Variants in ADRA1D observed in about 807,000 individuals in gnomAD.
ADRA1D encodes adrenoceptor alpha 1D.
A neutral mutation model predicts 18.6 loss-of-function variants in ADRA1D; 22 were observed. The observed-to-expected ratio is 1.19, with a 90% CI of 0.85 to 1.69. The LOEUF is 1.69. ADRA1D is among the 40% of genes most tolerant of loss of function. The pLI is 0.00. For missense variants in ADRA1D, 840 were observed against 840.7 expected (o/e 1.00, Z 0.01); for synonymous variants, 376 against 388.2 (o/e 0.97, Z 0.37).
intron 1 of ADRA1D, among the ~76,000 whole-genome samples, chr20:4,238,135 C>T (rs983623828): frequency 2.6e-5 from 4 of 151,572 alleles, no homozygotes; most frequent in African/African-American, 9.7e-5. Flanking sequence ...TGCCTGTAGT[C>T]CCAGCTACTT....
At chr20:4,229,055 C>A (rs1379447252) in intron 1 of ADRA1D, among the ~76,000 whole-genome samples, 2 of 152,230 alleles carry the variant, frequency 1.3e-5, no homozygotes, top group Non-Finnish European at 2.9e-5. Flanking sequence ...ATGACAGTCT[C>A]TTGGTTTTTC....
chr20:4,233,933 T>A (rs1447955822), intron 1 of ADRA1D, among the ~76,000 whole-genome samples: 1 of 152,202 alleles, frequency 6.6e-6, no homozygotes. Context: ...TGAGTCGCCA[T>A]CCAGCTGGCT....
intron 1 of ADRA1D, among the ~76,000 whole-genome samples, chr20:4,228,750 G>A (rs183795554): frequency 1.4e-3 from 211 of 152,326 alleles, no homozygotes; most frequent in Admixed American, 3.0e-3. Context: ...TCTTTGGTAA[G>A]GAAGGGATCG....
At chr20:4,238,351 G>A (rs118089777) in intron 1 of ADRA1D, among the ~76,000 whole-genome samples, 95 of 152,330 alleles carry the variant, frequency 6.2e-4, no homozygotes, top group South Asian at 1.2e-3. Context: ...ACAAGTAGGT[G>A]AAAGGGAGGA....
intron 1 of ADRA1D, among the ~76,000 whole-genome samples, chr20:4,237,456 C>T (rs1981118204): frequency 2.4e-5 from 2 of 82,466 alleles, no homozygotes; most frequent in South Asian, 5.3e-4. Context: ...GACTCCATCT[C>T]TTGAAAAAAA....
At position 4,222,101 on chromosome 20, in the gene ADRA1D, C is replaced by G; in HGVS notation, c.1141G>C (p.Glu381Gln). Reference protein sequence around the residue: ...GSLFPQLKPSEGVFKVIFWLG... With the variant: ...GSLFPQLKPSQGVFKVIFWLG... ...CAGAAGATGACCTTGAAGACGCCCT[C>G]CGATGGCTTCAGCTGCGGGAACAAG... Residue 381 changes from glutamate to glutamine, a missense_variant, in exon 2 of 2, where the codon GAG (glutamate) becomes CAG (glutamine). Physicochemically the swap from Glu to Gln is conservative, Grantham distance 29 (BLOSUM62 2). Transcript: ENST00000379453. The surrounding 1 kb of genome is among the most constrained non-coding windows in gnomAD (Gnocchi z 4.3). 1.2e-6 allele frequency: 2 copies of G among 1,612,580 alleles called. No individual in the cohort carries two copies. The highest frequency in any genetic ancestry group is 2.2e-5 in the East Asian group (1 of 44,614).
chr20:4,248,095 A>G lies in ADRA1D; in HGVS notation c.863T>C (p.Leu288Pro). 6.4e-7 allele frequency: 1 copy of G among 1,555,416 alleles called. No homozygotes were observed. Reference sequence around the variant, plus strand: ...TCGCTCGCGCTTGACGCCCGCCTCGAGGCTGCGCGTGGTGCTGCGCGCGAC... The same window carrying G: ...TCGCTCGCGCTTGACGCCCGCCTCGGGGCTGCGCGTGGTGCTGCGCGCGAC... ...YVVARSTTRSLEAGVKRERGK... is the reference protein window; with the variant it reads ...YVVARSTTRSPEAGVKRERGK... Residue 288 changes from leucine to proline, a missense_variant, in exon 1 of 2, where the codon CTC becomes CCC. Transcript: ENST00000379453.
At chr20:4,227,417 T>C (rs913511557) in intron 1 of ADRA1D, among the ~76,000 whole-genome samples, 2 of 152,138 alleles carry the variant, frequency 1.3e-5, no homozygotes, top group African/African-American at 4.8e-5. Context: ...CCTAAAGCAC[T>C]ATAGGTAACG....
At chr20:4,245,837 C>A (rs1201400495) in intron 1 of ADRA1D, among the ~76,000 whole-genome samples, 1 of 152,180 alleles carries the variant, frequency 6.6e-6, no homozygotes, top group Non-Finnish European at 1.5e-5. Flanking sequence ...ACTTTCTCTT[C>A]CCTGCTTACT....
chr20:4,244,253 T>C (rs1981281919), intron 1 of ADRA1D, among the ~76,000 whole-genome samples: 2 of 152,208 alleles, frequency 1.3e-5, no homozygotes, highest in South Asian at 4.1e-4. Flanking sequence ...AGGGCCTATG[T>C]GGGCCCATTC....
At chr20:4,224,993 G>GTT (rs562415272) in intron 1 of ADRA1D, among the ~76,000 whole-genome samples, 22,544 of 119,750 alleles carry the variant, frequency 0.19, 2,314 homozygotes, top group East Asian at 0.24. Context: ...GGCCATCTAA[G>GTT]TTTTTTTTTT....
chr20:4,222,102 C>G lies in ADRA1D; in HGVS notation c.1140G>C (p.Ser380=). 1 of 1,612,588 alleles carries G rather than the reference C, an allele frequency of 6.2e-7. No individual in the cohort carries two copies. The highest frequency in any genetic ancestry group is 8.5e-7 in the Non-Finnish European group (1 of 1,179,410). ...AGAAGATGACCTTGAAGACGCCCTC[C>G]GATGGCTTCAGCTGCGGGAACAAGG... is the stretch of plus-strand genomic sequence containing the variant. ...LGSLFPQLKP[S]EGVFKVIFWL... Residue 380 remains serine, a synonymous_variant, in exon 2 of 2, where the codon TCG becomes TCC. Coordinates refer to ENST00000379453, the MANE Select transcript of ADRA1D (RefSeq NM_000678.4). This position sits in a 1 kb window ranked among gnomAD's most constrained non-coding sequence, Gnocchi z 4.3.
intron 1 of ADRA1D, among the ~76,000 whole-genome samples, chr20:4,231,494 G>A (rs1980969995): frequency 1.3e-5 from 2 of 152,086 alleles, no homozygotes; most frequent in Non-Finnish European, 2.9e-5. Context: ...TAGCACAAGT[G>A]CCTGACTCGA....
At chr20:4,242,637 G>A (rs1028301459) in intron 1 of ADRA1D, among the ~76,000 whole-genome samples, 4 of 152,150 alleles carry the variant, frequency 2.6e-5, no homozygotes, top group Non-Finnish European at 5.9e-5. Flanking sequence ...GACATTGGCT[G>A]GGCTGTCCTG....
intron 1 of ADRA1D, among the ~76,000 whole-genome samples, chr20:4,247,606 T>C (rs1981364868): frequency 6.6e-6 from 1 of 152,108 alleles, no homozygotes; most frequent in Non-Finnish European, 1.5e-5. Flanking sequence ...GCCCAAGGCT[T>C]GGAAAAGAAG....
chr20:4,248,348 A>C lies in ADRA1D; in HGVS notation c.610T>G (p.Tyr204Asp). 6.2e-7 allele frequency: 1 copy of C among 1,606,616 alleles called. No individual in the cohort carries two copies. The highest frequency in any genetic ancestry group is 1.7e-5 in the Admixed American group (1 of 58,816). Reference protein sequence around the residue: ...RYVGVRHSLKYPAIMTERKAA... With the variant: ...RYVGVRHSLKDPAIMTERKAA... ...TTGCGCTCGGTCATGATGGCTGGGT[A>C]CTTGAGTGAGTGGCGCACGCCCACG... is the stretch of plus-strand genomic sequence containing the variant. Residue 204 changes from tyrosine (Y) to aspartate (D), a missense_variant, in exon 1 of 2, where the codon TAC (tyrosine) becomes GAC (aspartate). By Grantham distance (160) the Tyr-to-Asp change is radical (BLOSUM62 -3). Coordinates refer to ENST00000379453, the MANE Select transcript of ADRA1D (RefSeq NM_000678.4).
Position 4,247,969 on chromosome 20 carries a change from C to A in ADRA1D, c.989G>T (p.Arg330Leu), listed in dbSNP as rs778769279. 3.2e-6 allele frequency: 5 copies of A among 1,586,054 alleles called. No individual in the cohort carries two copies. Among genetic ancestry groups the A allele is most frequent in the Middle Eastern group, 1.7e-4 (1 of 6,052 alleles). ...GAGCAGGCGCACGGAGAGCGAGCTGCGGAAGGTGTGGCCCTTGGCGCTGCG... is the reference window on the plus strand; with the variant it reads ...GAGCAGGCGCACGGAGAGCGAGCTGAGGAAGGTGTGGCCCTTGGCGCTGCG... Reference protein sequence around the residue: ...GMRSAKGHTFRSSLSVRLLKF... With the variant: ...GMRSAKGHTFLSSLSVRLLKF... The change falls in exon 1 of 2, where the codon CGC becomes CTC. Residue 330 changes from arginine (R) to leucine (L), a missense_variant. By Grantham distance (102) the Arg-to-Leu change is moderately radical. Coordinates refer to ENST00000379453, the MANE Select transcript of ADRA1D (RefSeq NM_000678.4).
At chr20:4,246,442 G>A (rs989626479) in intron 1 of ADRA1D, among the ~76,000 whole-genome samples, 1 of 152,184 alleles carries the variant, frequency 6.6e-6, no homozygotes, top group Non-Finnish European at 1.5e-5. Flanking sequence ...GAAGGACAGC[G>A]AAGTCGGAGA....
intron 1 of ADRA1D, among the ~76,000 whole-genome samples, chr20:4,231,045 T>TCTTCCTTC (rs1568764590): frequency 5.4e-5 from 4 of 74,134 alleles, no homozygotes; most frequent in African/African-American, 2.3e-4. Flanking sequence ...TCTTTTTCTT[T>TCTTCCTTC]CTTTCTTTCT....
Sources: gnomAD v4.1 joint callset for allele counts (sites outside exome capture counted in the v4.1 genomes callset) on GRCh38, gnomAD v4.1.1 for gene constraint, Gnocchi (gnomAD v3.1) non-coding constraint, MANE v1.5 for transcripts, NCBI Gene and HGNC (gene_info 2026-07-23, HGNC 2026-07-21) for gene names.